Variants in NRG1 observed in about 807,000 individuals in gnomAD.
The protein encoded by NRG1 is pro-neuregulin-1, membrane-bound isoform.
Under a neutral mutation model 63.8 loss-of-function variants are expected in NRG1, and 18 were observed. The observed-to-expected ratio is 0.28, with a 90% confidence interval of 0.19 to 0.42. The LOEUF (loss-of-function observed/expected upper bound fraction) is 0.42. NRG1 is among the 10% of genes least tolerant of loss of function. The pLI is 1.00. For synonymous variants in NRG1, 302 were observed against 301.3 expected (o/e 1.00, Z -0.02); for missense variants, 762 against 814.7 (o/e 0.94, Z 0.79).
intron 1 of NRG1, chr8:31,641,856 G>C (rs978440287): frequency 6.6e-6 from 1 of 152,084 alleles, no homozygotes; most frequent in Non-Finnish European, 1.5e-5. Flanking sequence ...GTGATGGAGA[G>C]TGTGTCAGTT....
At chr8:32,175,833 C>G (rs138802922) in intron 1 of NRG1, among the ~76,000 whole-genome samples, 11 of 152,096 alleles carry the variant, frequency 7.2e-5, no homozygotes, top group Middle Eastern at 3.4e-3. Flanking sequence ...AAATAAAAGA[C>G]GATACAAACA....
chr8:31,970,371 C>A (rs1807077370), intron 1 of NRG1, among the ~76,000 whole-genome samples: 1 of 152,136 alleles, frequency 6.6e-6, no homozygotes, highest in Non-Finnish European at 1.5e-5. Context: ...GACATTGCTA[C>A]CCTCTCCTTC....
chr8:31,888,670 T>TTTATCTG (rs869110681), intron 1 of NRG1, among the ~76,000 whole-genome samples: 2 of 37,512 alleles, frequency 5.3e-5, no homozygotes, highest in Non-Finnish European at 9.5e-5. Context: ...CCCAAATCTG[T>TTTATCTG]TTTTTTTTAT....
At chr8:31,896,673 A>T (rs908830884) in intron 1 of NRG1, among the ~76,000 whole-genome samples, 3 of 152,188 alleles carry the variant, frequency 2.0e-5, no homozygotes, top group African/African-American at 7.2e-5. Context: ...TGCCTTTCTA[A>T]CAAGTTTCCA....
At chr8:32,261,358 A>AGTGTGTGTGTGT (rs3055547) in intron 1 of NRG1, among the ~76,000 whole-genome samples, 2 of 148,366 alleles carry the variant, frequency 1.3e-5, no homozygotes, top group Middle Eastern at 3.5e-3. Flanking sequence ...TGCTCCTATT[A>AGTGTGTGTGTGT]GTGTGTGTGT....
At chr8:32,294,995 GATT>G (rs1854662334) in intron 1 of NRG1, among the ~76,000 whole-genome samples, 2 of 152,000 alleles carry the variant, frequency 1.3e-5, no homozygotes, top group African/African-American at 2.4e-5. Flanking sequence ...GAGAGAAATG[GATT>G]ATTTACAATC....
chr8:32,076,683 T>G (rs1033957806), intron 1 of NRG1, among the ~76,000 whole-genome samples: 74 of 149,414 alleles, frequency 5.0e-4, no homozygotes, highest in Admixed American at 1.1e-3. Flanking sequence ...CAAGTTTACC[T>G]ATATAACAAA....
At chr8:31,749,065 C>A (rs1378558738) in intron 1 of NRG1, among the ~76,000 whole-genome samples, 1 of 151,824 alleles carries the variant, frequency 6.6e-6, no homozygotes, top group Non-Finnish European at 1.5e-5. Context: ...CAATACAATG[C>A]AGCATTATGC....
chr8:32,611,654 CTTAAG>C (rs1402473011), intron 3 of NRG1, among the ~76,000 whole-genome samples: 1 of 151,920 alleles, frequency 6.6e-6, no homozygotes, highest in African/African-American at 2.4e-5. Context: ...AAAGATGTTC[CTTAAG>C]TTATCTTTAT....
intron 1 of NRG1, among the ~76,000 whole-genome samples, chr8:32,046,040 A>T (rs564863770): frequency 6.6e-6 from 1 of 152,086 alleles, no homozygotes; most frequent in Non-Finnish European, 1.5e-5. Context: ...TTCAAATTTC[A>T]TATTCTTCAA....
chr8:31,685,565 G>A (rs57495084), intron 1 of NRG1, among the ~76,000 whole-genome samples: 14 of 152,102 alleles, frequency 9.2e-5, no homozygotes, highest in African/African-American at 3.4e-4. Flanking sequence ...GTGGTTTTGT[G>A]TATTCACAGA....
At chr8:32,401,027 G>A (rs567487122) in intron 1 of NRG1, among the ~76,000 whole-genome samples, 13 of 151,686 alleles carry the variant, frequency 8.6e-5, no homozygotes, top group Admixed American at 2.6e-4. Flanking sequence ...TATCCTAAGC[G>A]GACTAACACA....
intron 1 of NRG1, among the ~76,000 whole-genome samples, chr8:32,191,085 T>C (rs973662439): frequency 6.7e-6 from 1 of 150,248 alleles, no homozygotes; most frequent in Non-Finnish European, 1.5e-5. Flanking sequence ...TATCAGTTAT[T>C]AGATTTTTTT....
At position 31,640,158 on chromosome 8, in the gene NRG1, G is replaced by A; in HGVS notation, c.37+727G>A. The A allele has an allele frequency of 1.7e-6, 2 of 1,179,714 alleles. No homozygotes were observed. The allele number at this position is 1,179,714 out of a possible 1,614,324, so 73.1% of individuals were successfully genotyped here. A position where few individuals can be genotyped will look rare whatever the true frequency, so the allele number is the denominator to read the frequency against. ...CCGGCAACGAGGCGGCTCCCGCGGG[G>A]GCCTCGGTGTGCTACTCGTCCCCGC... On this transcript the variant is annotated intron_variant, in intron 1 of 10. Coordinates refer to the NRG1 transcript ENST00000519301. This position sits in a 1 kb window ranked among gnomAD's most constrained non-coding sequence, Gnocchi z 6.3.
chr8:32,351,261 T>C (rs1423383512), intron 1 of NRG1, among the ~76,000 whole-genome samples: 1 of 152,190 alleles, frequency 6.6e-6, no homozygotes, highest in African/African-American at 2.4e-5. Flanking sequence ...TACTTGCTGC[T>C]TCCCCAGAAA....
chr8:32,587,980 G>A (rs548613591), intron 1 of NRG1, among the ~76,000 whole-genome samples: 48 of 152,194 alleles, frequency 3.2e-4, no homozygotes, highest in African/African-American at 1.1e-3. Flanking sequence ...CCAGGCTGGA[G>A]TGCAGTGGTG....
At chr8:31,813,159 C>T (rs1178530977) in intron 1 of NRG1, among the ~76,000 whole-genome samples, 2 of 152,178 alleles carry the variant, frequency 1.3e-5, no homozygotes, top group Middle Eastern at 3.4e-3. Context: ...AGTATTATAC[C>T]TTTTGCATAT....
At chr8:32,732,205 AAT>A (rs1823857381) in intron 6 of NRG1, among the ~76,000 whole-genome samples, 1 of 152,146 alleles carries the variant, frequency 6.6e-6, no homozygotes, top group Non-Finnish European at 1.5e-5. Context: ...CTGTGGAAAA[AAT>A]AGTTACTATT....
At chr8:32,070,683 A>G (rs1048238942) in intron 1 of NRG1, among the ~76,000 whole-genome samples, 4 of 152,184 alleles carry the variant, frequency 2.6e-5, no homozygotes, top group Admixed American at 2.6e-4. Flanking sequence ...CCCTAGTCCA[A>G]GCTCTCTTAC....
Sources: allele counts gnomAD v4.1 joint callset (sites outside exome capture counted in the v4.1 genomes callset), GRCh38; gene constraint gnomAD v4.1.1; non-coding constraint Gnocchi (gnomAD v3.1); transcripts MANE v1.5; gene names NCBI Gene and HGNC (gene_info 2026-07-23, HGNC 2026-07-21).